MAP7: variants seen among roughly 807,000 people sequenced by gnomAD.
MAP7 encodes the protein microtubule associated protein 7, also known as ensconsin.
A neutral mutation model predicts 94.8 loss-of-function variants in MAP7; 52 were observed. The observed-to-expected ratio is 0.55, with a 90% confidence interval of 0.44 to 0.69. The LOEUF is 0.69. Among genes scored for constraint, MAP7 ranks in the 30% least tolerant of loss-of-function variants. The probability of loss-of-function intolerance (pLI) is 0.00; values close to 1 mark genes in which losing one functional copy is unlikely to be tolerated. For synonymous variants in MAP7, 350 were observed against 357.0 expected (o/e 0.98, Z 0.22); for missense variants, 940 against 964.6 (o/e 0.97, Z 0.34).
At chr6:136,545,681 C>T (rs1194662614) in intron 1 of MAP7, among the ~76,000 whole-genome samples, 2 of 152,188 alleles carry the variant, frequency 1.3e-5, no homozygotes, top group Non-Finnish European at 2.9e-5. Flanking sequence ...ATCTTTTTCT[C>T]CCTTTCCTCC....
intron 7 of MAP7, 117 bp downstream of exon 7, chr6:136,377,638 A>G: frequency 1.4e-6 from 1 of 724,222 alleles, no homozygotes; most frequent in Admixed American, 2.2e-5. Flanking sequence ...ACCGACAGAC[A>G]TTTCCACCGG....
intron 1 of MAP7, among the ~76,000 whole-genome samples, chr6:136,500,233 A>G (rs941864295): frequency 6.6e-6 from 1 of 152,262 alleles, no homozygotes; most frequent in African/African-American, 2.4e-5. Context: ...CAAGTGTTCA[A>G]TAAATACTGG....
rs149946772 is a variant in MAP7, at chr6:136,527,609, G to A, written c.67+22733C>T. 1.9e-3 allele frequency among the ~76,000 whole-genome samples: 287 copies of A among 152,308 alleles called. 2 individuals are homozygous for A. The highest frequency in any genetic ancestry group is 0.01 in the Middle Eastern group (3 of 294). On this transcript the variant is annotated intron_variant, in intron 1 of 17. Coordinates refer to ENST00000354570, the MANE Select transcript of MAP7 (RefSeq NM_003980.6). ...ACTATCATTTACCTATGGTATTAGGGTGAGGATTAAATGCGTGTAGTGCTA... is the reference window on the plus strand; with the variant it reads ...ACTATCATTTACCTATGGTATTAGGATGAGGATTAAATGCGTGTAGTGCTA...
intron 1 of MAP7, among the ~76,000 whole-genome samples, chr6:136,497,924 T>C (rs1818781702): frequency 2.0e-5 from 3 of 152,020 alleles, no homozygotes; most frequent in Admixed American, 2.0e-4. Flanking sequence ...CCTTTCCCCT[T>C]TAAATTTGGA....
chr6:136,504,049 A>T lies in MAP7; in HGVS notation c.67+46293T>A, dbSNP rs141762328. 9.8e-5 allele frequency among the ~76,000 whole-genome samples: 15 copies of T among 152,342 alleles called. No homozygotes were observed. In the East Asian group the frequency reaches 2.9e-3, roughly 29 times the overall value. On this transcript the variant is annotated intron_variant, in intron 1 of 17. Transcript: ENST00000354570. The stretch of plus-strand genomic sequence containing the variant: ...CAGAATTCTAGGCAGCACTTAAACT[A>T]TATTTATCACTTGGGATGGGTATTT...
intron 1 of MAP7, among the ~76,000 whole-genome samples, chr6:136,546,353 C>A (rs1306854904): frequency 6.6e-6 from 1 of 151,646 alleles, no homozygotes; most frequent in Non-Finnish European, 1.5e-5. Context: ...ACCTCCCTGC[C>A]ACCTCCCACC....
At chr6:136,402,394 C>T (rs2128712821) in intron 3 of MAP7, among the ~76,000 whole-genome samples, 2 of 152,336 alleles carry the variant, frequency 1.3e-5, no homozygotes, top group Middle Eastern at 6.8e-3. Context: ...AAAGCCTTCT[C>T]AACTTGTCAT....
intron 1 of MAP7, among the ~76,000 whole-genome samples, chr6:136,434,257 A>G (rs186622307): frequency 1.3e-5 from 2 of 151,390 alleles, no homozygotes; most frequent in African/African-American, 4.9e-5. Flanking sequence ...CAGTGAGACA[A>G]GATCGCACCA....
rs201869040 is a variant in MAP7, at chr6:136,365,843, G to A, written c.1165C>T (p.Pro389Ser). ...GAGGGCTCATTGGCAACTTTCTGAG[G>A]TTCCTTCTCAGGATCTTTCTTCTCA... Reference protein sequence around the residue: ...EPEKKDPEKEPQKVANEPSLK... With the variant: ...EPEKKDPEKESQKVANEPSLK... The change falls in exon 10 of 18, where the codon CCT (proline) becomes TCT (serine). Residue 389 changes from proline to serine, a missense_variant. By Grantham distance (74) the Pro-to-Ser change is moderately conservative (BLOSUM62 -1). Transcript: ENST00000354570. 101 of 1,613,986 alleles carry A rather than the reference G, an allele frequency of 6.3e-5. No homozygotes were observed. The highest frequency in any genetic ancestry group is 2.2e-5 in the Non-Finnish European group (26 of 1,180,044).
chr6:136,448,917 T>TC (rs958717314), intron 1 of MAP7, among the ~76,000 whole-genome samples: 5 of 151,206 alleles, frequency 3.3e-5, no homozygotes, highest in Non-Finnish European at 5.9e-5. Flanking sequence ...GAAGAATTCT[T>TC]CCCCCATCCA....
At chr6:136,432,717 A>G (rs1795300073) in intron 1 of MAP7, among the ~76,000 whole-genome samples, 1 of 152,186 alleles carries the variant, frequency 6.6e-6, no homozygotes, top group Non-Finnish European at 1.5e-5. Flanking sequence ...AACCTTTAAT[A>G]CTAGATAGGT....
At chr6:136,458,291 G>A (rs1042606627) in intron 1 of MAP7, among the ~76,000 whole-genome samples, 3 of 152,054 alleles carry the variant, frequency 2.0e-5, no homozygotes, top group Non-Finnish European at 4.4e-5. Context: ...ACAAATAAAT[G>A]GAAAGATATC....
At chr6:136,540,033 C>T (rs1256043198) in intron 1 of MAP7, among the ~76,000 whole-genome samples, 1 of 151,904 alleles carries the variant, frequency 6.6e-6, no homozygotes, top group Admixed American at 6.6e-5. Flanking sequence ...CCAGAGATGA[C>T]AATTTGAGGT....
Position 136,550,367 on chromosome 6 carries a change from G to C in MAP7, c.42C>G (p.Gly14=). The part of the protein sequence containing the change: ...LGAGGDGHRG[G]DGAVRSETAP... ...CTGTTTCGCTTCGCACTGCGCCGTCGCCGCCCCTGTGGCCGTCGCCGCCAG... is the reference window on the plus strand; with the variant it reads ...CTGTTTCGCTTCGCACTGCGCCGTCCCCGCCCCTGTGGCCGTCGCCGCCAG... The change falls in exon 1 of 18, where the codon GGC becomes GGG. Residue 14 remains glycine (G), a synonymous_variant. Coordinates refer to ENST00000354570, the MANE Select transcript of MAP7 (RefSeq NM_003980.6). The surrounding 1 kb of genome is among the most constrained non-coding windows in gnomAD (Gnocchi z 5.1). 1 of 1,528,824 alleles carries C rather than the reference G, an allele frequency of 6.5e-7. No homozygotes were observed. The highest frequency in any genetic ancestry group is 8.7e-7 in the Non-Finnish European group (1 of 1,146,162). The allele number at this position is 1,528,824 out of a possible 1,614,324, so 94.7% of individuals were successfully genotyped here.
intron 1 of MAP7, among the ~76,000 whole-genome samples, chr6:136,514,580 C>CAAAAAAAAAAAAAAAAAAAAA (rs1046225937): frequency 4.1e-5 from 2 of 49,054 alleles, no homozygotes; most frequent in African/African-American, 1.3e-4. Flanking sequence ...GACTCTGTCT[C>CAAAAAAAAAAAAAAAAAAAAA]AAAAAAAAAA....
At position 136,476,596 on chromosome 6, in the gene MAP7, A is replaced by G. The variant is rs543239932; in HGVS notation, c.68-54797T>C. ...AAAGTTGGAATAGAGGATATAAGAGATTTGTTCAAGTTCGTATGACTAGTG... is the reference window on the plus strand; with the variant it reads ...AAAGTTGGAATAGAGGATATAAGAGGTTTGTTCAAGTTCGTATGACTAGTG... On this transcript the variant is annotated intron_variant, in intron 1 of 17. Coordinates refer to ENST00000354570, the MANE Select transcript of MAP7 (RefSeq NM_003980.6). 5.3e-5 allele frequency among the ~76,000 whole-genome samples: 8 copies of G among 152,308 alleles called. No homozygotes were observed. The South Asian group carries it at 1.2e-3, about 24-fold the overall frequency.
Position 136,414,808 on chromosome 6 carries a change from ATTTTTTT to A in MAP7, c.167-3118_167-3112del, listed in dbSNP as rs550449278. 3.2e-5 allele frequency among the ~76,000 whole-genome samples: 4 copies of A among 123,268 alleles called. No homozygotes were observed. In the East Asian group the frequency reaches 6.9e-4, roughly 21 times the overall value. The allele number at this position is 123,268 out of a possible 152,430, so 80.9% of individuals were successfully genotyped here. On this transcript the variant is annotated intron_variant, in intron 2 of 17. Coordinates refer to ENST00000354570, the MANE Select transcript of MAP7 (RefSeq NM_003980.6). The stretch of plus-strand genomic sequence containing the variant: ...AGGTGTGCACAACCACAATCAGCTA[ATTTTTTT>A]TTTTTTTTTTTTTGAGACAGAGTTT...
rs146665241 is a variant in MAP7 at position 136,389,379 on chromosome 6, C to T, written c.383G>A (p.Arg128Gln). 199 of 1,558,594 alleles carry T rather than the reference C, an allele frequency of 1.3e-4. No homozygotes were observed. The African/African-American group carries it at 2.5e-3, about 20-fold the overall frequency. The change falls in exon 4 of 18, where the codon CGG becomes CAG. Residue 128 changes from arginine to glutamine, a missense_variant. Physicochemically the swap from Arg to Gln is conservative, Grantham distance 43. Transcript: ENST00000354570. ...TTTGTCCTCCTCAAGTCTCTGCCTCCGCTTCTCCTCCACAGCAGCCCTCCT... is the reference window on the plus strand; with the variant it reads ...TTTGTCCTCCTCAAGTCTCTGCCTCTGCTTCTCCTCCACAGCAGCCCTCCT... ...ERRRAAVEEK[R>Q]RQRLEEDKER...
intron 1 of MAP7, among the ~76,000 whole-genome samples, chr6:136,426,742 A>T (rs1380930635): frequency 6.6e-6 from 1 of 152,226 alleles, no homozygotes; most frequent in Non-Finnish European, 1.5e-5. Flanking sequence ...GGCAGTTGAA[A>T]ATATGACAAG....
Sources: gnomAD v4.1 joint callset for allele counts (sites outside exome capture counted in the v4.1 genomes callset) on GRCh38, gnomAD v4.1.1 for gene constraint, Gnocchi (gnomAD v3.1) non-coding constraint, MANE v1.5 for transcripts, NCBI Gene and HGNC (gene_info 2026-07-23, HGNC 2026-07-21) for gene names.